EPC2: variants seen among roughly 807,000 people sequenced by gnomAD.
EPC2 encodes enhancer of polycomb homolog 2.
EPC2 carries 14 observed loss-of-function variants against 92.1 expected under a neutral mutation model. The ratio of observed to expected loss-of-function variants is 0.15; its 90% CI spans 0.10 to 0.24. The LOEUF (loss-of-function observed/expected upper bound fraction) is 0.24, where lower values mean the gene tolerates loss of function less well. EPC2 is among the 10% of genes least tolerant of loss of function. EPC2 has a pLI of 1.00. For synonymous variants in EPC2, 340 were observed against 334.7 expected (o/e 1.02, Z -0.17); for missense variants, 755 against 971.5 (o/e 0.78, Z 2.96).
At chr2:148,686,583 G>A (rs1681530828) in intron 1 of EPC2, among the ~76,000 whole-genome samples, 1 of 152,144 alleles carries the variant, frequency 6.6e-6, no homozygotes, top group Non-Finnish European at 1.5e-5. Context: ...GGAATTTATG[G>A]CAGCTATTGC....
chr2:148,721,776 C>G (rs1682378988), intron 2 of EPC2, among the ~76,000 whole-genome samples: 1 of 148,292 alleles, frequency 6.7e-6, no homozygotes, highest in Non-Finnish European at 1.5e-5. Flanking sequence ...ATCATATTAC[C>G]AGGCTCCAAG....
chr2:148,727,449 G>A (rs1332097137), intron 2 of EPC2, among the ~76,000 whole-genome samples: 18 of 152,112 alleles, frequency 1.2e-4, no homozygotes, highest in Non-Finnish European at 2.6e-4. Flanking sequence ...CAACAACTCT[G>A]TTAAAAAATA....
chr2:148,739,203 C>T (rs879405077), intron 2 of EPC2, among the ~76,000 whole-genome samples: 1 of 152,198 alleles, frequency 6.6e-6, no homozygotes, highest in Non-Finnish European at 1.5e-5. Context: ...ATAAATGTCT[C>T]CCCTAAACAG....
chr2:148,652,431 A>G (rs1680705142), intron 1 of EPC2, among the ~76,000 whole-genome samples: 1 of 152,218 alleles, frequency 6.6e-6, no homozygotes, highest in Non-Finnish European at 1.5e-5. Flanking sequence ...AGAAGTCTCC[A>G]GTGTCCTTTT....
At chr2:148,662,177 G>C (rs1274800983) in intron 1 of EPC2, among the ~76,000 whole-genome samples, 1 of 152,186 alleles carries the variant, frequency 6.6e-6, no homozygotes, top group African/African-American at 2.4e-5. Flanking sequence ...ACAGGTGCTG[G>C]AGAGGATGTG....
At chr2:148,648,861 T>C (rs1336188294) in intron 1 of EPC2, among the ~76,000 whole-genome samples, 3 of 152,258 alleles carry the variant, frequency 2.0e-5, no homozygotes, top group Non-Finnish European at 2.9e-5. Flanking sequence ...TAGCCTCTTC[T>C]TTTGGACATC....
At chr2:148,707,722 A>G (rs1036427098) in intron 2 of EPC2, among the ~76,000 whole-genome samples, 7 of 152,210 alleles carry the variant, frequency 4.6e-5, no homozygotes, top group African/African-American at 1.7e-4. Flanking sequence ...CTAGATGGAA[A>G]CTGAACAACC....
chr2:148,741,172 T>G (rs1488028576), intron 2 of EPC2, among the ~76,000 whole-genome samples: 1 of 152,186 alleles, frequency 6.6e-6, no homozygotes, highest in East Asian at 1.9e-4. Context: ...CTGATTTAAC[T>G]TTAGATTATA....
intron 1 of EPC2, among the ~76,000 whole-genome samples, chr2:148,654,425 A>C (rs1680748249): frequency 6.6e-6 from 1 of 152,178 alleles, no homozygotes; most frequent in African/African-American, 2.4e-5. Context: ...ATGCCAATTA[A>C]ACATTTTTAC....
At chr2:148,650,414 T>G (rs1449691779) in intron 1 of EPC2, among the ~76,000 whole-genome samples, 3 of 152,184 alleles carry the variant, frequency 2.0e-5, no homozygotes, top group African/African-American at 7.2e-5. Context: ...GAGGCCTCTT[T>G]AAATATAGAA....
At chr2:148,727,721 A>T (rs901521904) in intron 2 of EPC2, among the ~76,000 whole-genome samples, 16 of 152,342 alleles carry the variant, frequency 1.1e-4, no homozygotes, top group Admixed American at 2.0e-4. Flanking sequence ...TGAACAGAAA[A>T]TGTGGGAGAA....
chr2:148,726,030 G>T (rs1682488433), intron 2 of EPC2, among the ~76,000 whole-genome samples: 1 of 152,076 alleles, frequency 6.6e-6, no homozygotes, highest in Non-Finnish European at 1.5e-5. Flanking sequence ...GACTACTTTG[G>T]ATACACCATA....
At chr2:148,747,146 T>G (rs1334557079) in intron 3 of EPC2, among the ~76,000 whole-genome samples, 1 of 152,034 alleles carries the variant, frequency 6.6e-6, no homozygotes, top group African/African-American at 2.4e-5. Context: ...CACCCGATTT[T>G]TAGTTACTGA....
intron 1 of EPC2, among the ~76,000 whole-genome samples, chr2:148,663,305 G>A (rs1172463637): frequency 1.3e-5 from 2 of 149,716 alleles, no homozygotes; most frequent in East Asian, 1.9e-4. Flanking sequence ...TGCAAGCTCC[G>A]TCTCCCAGGT....
intron 2 of EPC2, 105 bp from the exon 3 acceptor site, chr2:148,743,517 T>C (rs1682922018): frequency 1.2e-6 from 1 of 818,614 alleles, no homozygotes; most frequent in Non-Finnish European, 1.8e-6. Flanking sequence ...AGCTCCCCTT[T>C]AGTCAGTGCA....
At chr2:148,658,593 C>CTG (rs771108217) in intron 1 of EPC2, among the ~76,000 whole-genome samples, 216 of 140,456 alleles carry the variant, frequency 1.5e-3, no homozygotes, top group African/African-American at 4.5e-3. Context: ...TGAAGATTAG[C>CTG]TGTGTGTGTG....
intron 2 of EPC2, among the ~76,000 whole-genome samples, chr2:148,700,690 CTTT>C (rs77147387): frequency 4.3e-5 from 6 of 139,852 alleles, no homozygotes; most frequent in Non-Finnish European, 4.7e-5. Context: ...GCCCTTTTTA[CTTT>C]TTTTTTTTTT....
intron 1 of EPC2, among the ~76,000 whole-genome samples, chr2:148,683,651 A>G (rs1004318233): frequency 6.6e-6 from 1 of 152,012 alleles, no homozygotes; most frequent in Non-Finnish European, 1.5e-5. Flanking sequence ...TCCATTCCCG[A>G]GTTACTTCAT....
chr2:148,774,296 C>T (rs1263426320), intron 10 of EPC2, among the ~76,000 whole-genome samples: 1 of 152,142 alleles, frequency 6.6e-6, no homozygotes. Flanking sequence ...AATATAAACC[C>T]TGATTAACGT....
Sources: allele counts gnomAD v4.1 joint callset (sites outside exome capture counted in the v4.1 genomes callset), GRCh38; gene constraint gnomAD v4.1.1; transcripts MANE v1.5; gene names NCBI Gene and HGNC (gene_info 2026-07-23, HGNC 2026-07-21).